SORCS2: variants seen among roughly 807,000 people sequenced by gnomAD.
SORCS2 encodes the protein VPS10 domain-containing receptor SorCS2.
A neutral mutation model predicts 141.6 loss-of-function variants in SORCS2; 100 were observed. That is an observed-to-expected ratio of 0.71 (90% CI 0.60 to 0.83). The LOEUF (loss-of-function observed/expected upper bound fraction) is 0.83. Among genes scored for constraint, SORCS2 ranks in the 40% least tolerant of loss-of-function variants. The probability of loss-of-function intolerance (pLI) is 0.00; values close to 1 mark genes in which losing one functional copy is unlikely to be tolerated. For missense variants in SORCS2, 1,646 were observed against 1,560.2 expected (o/e 1.05, Z -0.93); for synonymous variants, 789 against 676.9 (o/e 1.17, Z -2.57).
At chr4:7,715,437 G>T in intron 17 of SORCS2, 126 bp downstream of exon 17, 1 of 1,402,712 alleles carries the variant, frequency 7.1e-7, no homozygotes, top group Middle Eastern at 2.0e-4. Context: ...GGGAAAGAGA[G>T]GTCAAAGTTG....
intron 1 of SORCS2, among the ~76,000 whole-genome samples, chr4:7,211,047 G>A (rs1226837198): frequency 6.6e-6 from 1 of 152,210 alleles, no homozygotes; most frequent in Non-Finnish European, 1.5e-5. Context: ...GCTGAGTCAT[G>A]GACACAAAAT....
chr4:7,635,564 T>A (rs1272443403), intron 3 of SORCS2, among the ~76,000 whole-genome samples: 2 of 152,242 alleles, frequency 1.3e-5, no homozygotes, highest in Non-Finnish European at 2.9e-5. Flanking sequence ...TTCATCGCCG[T>A]GTCAGCGTGG....
chr4:7,234,712 C>T (rs1435757497), intron 1 of SORCS2, among the ~76,000 whole-genome samples: 1 of 152,242 alleles, frequency 6.6e-6, no homozygotes, highest in African/African-American at 2.4e-5. Flanking sequence ...TCTTTGCTGT[C>T]ACGGTGCCTG....
chr4:7,710,386 C>T (rs1440783746), intron 14 of SORCS2, among the ~76,000 whole-genome samples: 6 of 152,218 alleles, frequency 3.9e-5, no homozygotes, highest in Non-Finnish European at 8.8e-5. Context: ...CGCCTGGGCC[C>T]GGCCTGCAGT....
At chr4:7,670,022 C>A (rs1722707462) in intron 8 of SORCS2, among the ~76,000 whole-genome samples, 2 of 152,186 alleles carry the variant, frequency 1.3e-5, no homozygotes, top group South Asian at 4.2e-4. Flanking sequence ...CTATGTGTGC[C>A]CACAGGTATT....
At chr4:7,375,599 A>G (rs1215259063) in intron 1 of SORCS2, among the ~76,000 whole-genome samples, 2 of 152,234 alleles carry the variant, frequency 1.3e-5, no homozygotes, top group African/African-American at 4.8e-5. Context: ...GCATGGAGGA[A>G]CATCTGAGTT....
intron 12 of SORCS2, among the ~76,000 whole-genome samples, chr4:7,698,890 A>C (rs1329295274): frequency 6.6e-6 from 1 of 151,778 alleles, no homozygotes; most frequent in African/African-American, 2.4e-5. Context: ...CTGAGGAGGA[A>C]GGATGTCCAG....
At chr4:7,421,066 T>C (rs1726010933) in intron 2 of SORCS2, among the ~76,000 whole-genome samples, 1 of 152,212 alleles carries the variant, frequency 6.6e-6, no homozygotes, top group South Asian at 2.1e-4. Flanking sequence ...AGTTCTCTCT[T>C]GGGTGCTCAG....
chr4:7,574,498 T>G (rs1298090538), intron 3 of SORCS2, among the ~76,000 whole-genome samples: 3 of 152,120 alleles, frequency 2.0e-5, no homozygotes, highest in Non-Finnish European at 2.9e-5. Flanking sequence ...GTGTGTGTTA[T>G]GCAGAATGTC....
chr4:7,486,475 T>C (rs1730994137), intron 2 of SORCS2, among the ~76,000 whole-genome samples: 1 of 152,170 alleles, frequency 6.6e-6, no homozygotes, highest in Admixed American at 6.5e-5. Flanking sequence ...AAGGTCCCAT[T>C]CAGGGACCCT....
chr4:7,708,854 C>T (rs540812167), intron 14 of SORCS2, among the ~76,000 whole-genome samples: 2 of 152,314 alleles, frequency 1.3e-5, no homozygotes, highest in African/African-American at 4.8e-5. Context: ...GGAGCCTGTC[C>T]TGTAAAAATT....
chr4:7,276,207 G>A (rs1336720326), intron 1 of SORCS2, among the ~76,000 whole-genome samples: 1 of 152,164 alleles, frequency 6.6e-6, no homozygotes, highest in Non-Finnish European at 1.5e-5. Flanking sequence ...TTTGGTCCCT[G>A]TTGCAGGTCA....
chr4:7,433,695 G>A, intron 2 of SORCS2: 3 of 1,612,790 alleles, frequency 1.9e-6, no homozygotes, highest in Non-Finnish European at 2.5e-6. Flanking sequence ...ACCCATTGCA[G>A]AAGCTGCCCT....
intron 4 of SORCS2, among the ~76,000 whole-genome samples, chr4:7,639,452 A>ATG (rs199566585): frequency 1.2e-4 from 18 of 144,912 alleles, no homozygotes; most frequent in East Asian, 2.4e-4. Context: ...GTGTGAGTGC[A>ATG]TGTGTGTGGG....
chr4:7,706,963 C>G (rs914534785), intron 14 of SORCS2, among the ~76,000 whole-genome samples: 2 of 152,162 alleles, frequency 1.3e-5, no homozygotes, highest in South Asian at 2.1e-4. Context: ...CTGCTCACCA[C>G]CCGTCACCCC....
At chr4:7,668,267 CGTGTGTATGA>C (rs1474925144) in intron 8 of SORCS2, among the ~76,000 whole-genome samples, 3 of 151,974 alleles carry the variant, frequency 2.0e-5, no homozygotes, top group Non-Finnish European at 4.4e-5. Flanking sequence ...TGATGGAGGG[CGTGTGTATGA>C]GTGTGTATGT....
chr4:7,689,717 G>A (rs1419828381), intron 11 of SORCS2, 129 bp downstream of exon 11: 7 of 802,586 alleles, frequency 8.7e-6, no homozygotes, highest in Non-Finnish European at 1.3e-5. Flanking sequence ...CAGTACCACT[G>A]CATCTCCAGG....
chr4:7,551,105 T>A (rs377568069), intron 3 of SORCS2, among the ~76,000 whole-genome samples: 1 of 152,248 alleles, frequency 6.6e-6, no homozygotes, highest in Non-Finnish European at 1.5e-5. Flanking sequence ...GCCCATTGAT[T>A]GCTTGCCATT....
In SORCS2 at chr4:7,276,042, A is replaced by T. The variant is rs546378689; in HGVS notation, c.480+82916A>T. Reference sequence around the variant, plus strand: ...GGAGTTGCTCTGCTCATAATGCGTAACGGGGGCAGTTTCTGCCAGTTACTG... The same window carrying T: ...GGAGTTGCTCTGCTCATAATGCGTATCGGGGGCAGTTTCTGCCAGTTACTG... On this transcript the variant is annotated intron_variant, in intron 1 of 26. Transcript: ENST00000507866. Among the ~76,000 whole-genome samples, 17 of 152,280 alleles carry T rather than the reference A, an allele frequency of 1.1e-4. No homozygotes were observed. In the East Asian group the frequency reaches 3.1e-3, roughly 28 times the overall value.
Sources: gnomAD v4.1 joint callset for allele counts (sites outside exome capture counted in the v4.1 genomes callset) on GRCh38, gnomAD v4.1.1 for gene constraint, MANE v1.5 for transcripts, NCBI Gene and HGNC (gene_info 2026-07-23, HGNC 2026-07-21) for gene names.